Variants in SLC35E2B observed in about 807,000 individuals in gnomAD.
SLC35E2B encodes solute carrier family 35 member E2B.
SLC35E2B carries 18 observed loss-of-function variants against 32.4 expected under a neutral mutation model. The ratio of observed to expected loss-of-function variants is 0.56; its 90% CI spans 0.38 to 0.82. SLC35E2B has a LOEUF of 0.82. SLC35E2B is among the 40% of genes least tolerant of loss of function. The pLI is 0.00. For synonymous variants in SLC35E2B, 132 were observed against 209.1 expected, an observed-to-expected ratio of 0.63 and a Z score of 3.18; for missense variants, 263 against 469.5, an observed-to-expected ratio of 0.56 and a Z score of 4.06.
In SLC35E2B at chr1:1,665,707, T is replaced by C. The variant is rs1000238116; in HGVS notation, c.*75A>G. 34 of 1,518,824 alleles carry C rather than the reference T, an allele frequency of 2.2e-5. No homozygotes were observed. The Admixed American group carries it at 6.3e-4, about 28-fold the overall frequency. The allele number at this position is 1,518,824 out of a possible 1,614,324, so 94.1% of individuals were successfully genotyped here. A position where few individuals can be genotyped will look rare whatever the true frequency, so the allele number is the denominator to read the frequency against. The stretch of plus-strand genomic sequence containing the variant: ...CATGTCCTGCACCCCAGCAGGGCCA[T>C]GGAGGAGGGCGTCCCTGCCCATTTC... On this transcript the variant is annotated 3_prime_UTR_variant, in exon 10 of 10. Transcript: ENST00000617444.
At chr1:1,683,260 G>GA (rs1313790131) in intron 2 of SLC35E2B, among the ~76,000 whole-genome samples, 1 of 152,152 alleles carries the variant, frequency 6.6e-6, no homozygotes, top group Non-Finnish European at 1.5e-5. Flanking sequence ...TCCCCCTGGG[G>GA]AGAGTGCCAG....
chr1:1,666,114 G>C, intron 9 of SLC35E2B, 95 bp from the exon 10 acceptor site: 1 of 1,414,634 alleles, frequency 7.1e-7, no homozygotes, highest in Non-Finnish European at 9.5e-7. Context: ...TGGAGGCTGG[G>C]TGGGGTTGGG....
chr1:1,671,992 G>A (rs192894957), intron 5 of SLC35E2B: 37 of 183,990 alleles, frequency 2.0e-4, no homozygotes, highest in African/African-American at 8.7e-4. Flanking sequence ...GGCCCTGTGG[G>A]CCGGGAGGGG....
chr1:1,675,571 C>G lies in SLC35E2B; in HGVS notation c.478G>C (p.Gly160Arg). ...GCCACATTTTTCAGGCTGACCAAACCCAAAACCACAGTTGCAAACCTAAAA... is the reference window on the plus strand; with the variant it reads ...GCCACATTTTTCAGGCTGACCAAACGCAAAACCACAGTTGCAAACCTAAAA... Reference protein sequence around the residue: ...GLMRFATVVLGLVSLKNVAVS... With the variant: ...GLMRFATVVLRLVSLKNVAVS... The change falls in exon 5 of 10, where the codon GGT becomes CGT. Residue 160 changes from glycine to arginine, a missense_variant. Physicochemically the swap from Gly to Arg is moderately radical, Grantham distance 125. This residue lies in a region of SLC35E2B where 129 missense variants were observed against 164.5 expected (regional missense o/e 0.78). Transcript: ENST00000617444. 1.3e-6 allele frequency: 2 copies of G among 1,578,632 alleles called. No individual in the cohort carries two copies. The highest frequency in any genetic ancestry group is 1.8e-5 in the Admixed American group (1 of 54,992).
At chr1:1,667,424 T>TAAAAA (rs35902057) in intron 9 of SLC35E2B, among the ~76,000 whole-genome samples, 1 of 151,158 alleles carries the variant, frequency 6.6e-6, no homozygotes, top group Non-Finnish European at 1.5e-5. Context: ...AAAAAATAAA[T>TAAAAA]AAATAAAATA....
chr1:1,681,305 C>T (rs1486218475), intron 2 of SLC35E2B, among the ~76,000 whole-genome samples: 2 of 151,926 alleles, frequency 1.3e-5, no homozygotes, highest in East Asian at 3.9e-4. Context: ...TCACACCATT[C>T]TCCTGCCTCA....
chr1:1,664,888 C>G lies in SLC35E2B; in HGVS notation c.*894G>C. 1.1e-6 allele frequency: 1 copy of G among 934,872 alleles called. No homozygotes were observed. The highest frequency in any genetic ancestry group is 1.3e-6 in the Non-Finnish European group (1 of 787,322). 57.9% of individuals were successfully genotyped at this position (934,872 alleles called of 1,614,324 possible). ...ACAGTGGGCTCTGAGGGAGGACAGA[C>G]AGGCTCACCCCACGGGGACCTCAGA... is the stretch of plus-strand genomic sequence containing the variant. On this transcript the variant is annotated 3_prime_UTR_variant, in exon 10 of 10. Coordinates refer to ENST00000617444, the MANE Select transcript of SLC35E2B (RefSeq NM_001290264.2).
chr1:1,671,733 C>T, intron 5 of SLC35E2B, 104 bp from the exon 6 acceptor site: 1 of 1,184,378 alleles, frequency 8.4e-7, no homozygotes, highest in Non-Finnish European at 1.1e-6. Context: ...ACGGATGCTT[C>T]CTTCAATTCA....
chr1:1,682,795 T>C (rs1417831261), intron 2 of SLC35E2B, among the ~76,000 whole-genome samples: 1 of 151,814 alleles, frequency 6.6e-6, no homozygotes, highest in Non-Finnish European at 1.5e-5. Flanking sequence ...AAGGTTTACA[T>C]GGGGGAGGCC....
At position 1,663,683 on chromosome 1, in the gene SLC35E2B, C is replaced by T; in HGVS notation, c.*2099G>A. On this transcript the variant is annotated 3_prime_UTR_variant, in exon 10 of 10. Coordinates refer to ENST00000617444, the MANE Select transcript of SLC35E2B (RefSeq NM_001290264.2). The stretch of plus-strand genomic sequence containing the variant: ...ACAGGGTTTCATCATGTTGGCCAGG[C>T]TGGTCTCGAACTCCTGGCCTTGTGA... 1 of 275,640 alleles carries T rather than the reference C, an allele frequency of 3.6e-6. No individual in the cohort carries two copies. The allele number at this position is 275,640 out of a possible 1,614,324, so 17.1% of individuals were successfully genotyped here. A position where few individuals can be genotyped will look rare whatever the true frequency, so the allele number is the denominator to read the frequency against.
intron 8 of SLC35E2B, among the ~76,000 whole-genome samples, chr1:1,668,784 C>T (rs1368032484): frequency 2.6e-5 from 4 of 152,054 alleles, no homozygotes; most frequent in African/African-American, 7.2e-5. Flanking sequence ...AATGCGGGGC[C>T]GGGCATGGCC....
Position 1,670,040 on chromosome 1 carries a change from G to T in SLC35E2B, c.761+58C>A. ...TGTGGGGTGTTCTGACTCTTACAGT[G>T]AGCAGGAAGTCCTCTTCGTCTTATG... On this transcript the variant is annotated intron_variant, in intron 7 of 9. Transcript: ENST00000617444. 2.8e-6 allele frequency: 4 copies of T among 1,424,232 alleles called. No homozygotes were observed. The South Asian group carries it at 4.9e-5, about 18-fold the overall frequency. The allele number at this position is 1,424,232 out of a possible 1,614,324, so 88.2% of individuals were successfully genotyped here. A position where few individuals can be genotyped will look rare whatever the true frequency, so the allele number is the denominator to read the frequency against.
chr1:1,677,950 G>A (rs566454766), intron 2 of SLC35E2B, among the ~76,000 whole-genome samples: 3 of 151,760 alleles, frequency 2.0e-5, no homozygotes, highest in East Asian at 1.9e-4. Context: ...CTGTGACTCC[G>A]CAGCACCGAG....
chr1:1,674,650 A>C (rs1332028348), intron 5 of SLC35E2B, among the ~76,000 whole-genome samples: 1 of 151,452 alleles, frequency 6.6e-6, no homozygotes, highest in East Asian at 1.9e-4. Context: ...AAAAAAACAA[A>C]AAAAAACCAG....
intron 2 of SLC35E2B, among the ~76,000 whole-genome samples, chr1:1,678,576 A>G (rs1643873531): frequency 6.6e-6 from 1 of 152,202 alleles, no homozygotes; most frequent in East Asian, 1.9e-4. Flanking sequence ...TCGGTGCACC[A>G]GGACAGCTGC....
rs555527359 is a variant in SLC35E2B at position 1,669,062 on chromosome 1, A to G, written c.835-590T>C. Among the ~76,000 whole-genome samples the G allele has an allele frequency of 4.2e-4, 64 of 152,246 alleles. No individual in the cohort carries two copies. In the South Asian group the frequency reaches 0.012, roughly 30 times the overall value. ...CACTTCCACTGCTGGGTATACACGC[A>G]CAAGAACTGATGGCCCTGGCCGGCA... On this transcript the variant is annotated intron_variant, in intron 8 of 9. Coordinates refer to ENST00000617444, the MANE Select transcript of SLC35E2B (RefSeq NM_001290264.2).
intron 2 of SLC35E2B, among the ~76,000 whole-genome samples, chr1:1,681,449 C>G (rs1643899080): frequency 1.3e-5 from 2 of 151,410 alleles, no homozygotes; most frequent in Non-Finnish European, 2.9e-5. Flanking sequence ...CCTCGTGATC[C>G]ACCCACCTAG....
chr1:1,685,001 G>A (rs1357041029), intron 2 of SLC35E2B, among the ~76,000 whole-genome samples: 3 of 151,338 alleles, frequency 2.0e-5, no homozygotes, highest in Non-Finnish European at 4.4e-5. Context: ...CAGCTACTTG[G>A]GAGGCTTAGG....
chr1:1,686,586 T>A (rs1370012406), intron 2 of SLC35E2B, among the ~76,000 whole-genome samples: 1 of 143,022 alleles, frequency 7.0e-6, no homozygotes, highest in African/African-American at 2.7e-5. Flanking sequence ...GAGTTCATGG[T>A]GAAACCCCAT....
Sources: allele counts gnomAD v4.1 joint callset (sites outside exome capture counted in the v4.1 genomes callset), GRCh38; gene constraint gnomAD v4.1.1; regional missense constraint gnomAD v4.1.1; transcripts MANE v1.5; gene names NCBI Gene and HGNC (gene_info 2026-07-23, HGNC 2026-07-21).